LPGAT1: variants seen among roughly 807,000 people sequenced by gnomAD.
LPGAT1 encodes the protein acyl-CoA:lysophosphatidylglycerol acyltransferase 1.
Under a neutral mutation model 47.5 loss-of-function variants are expected in LPGAT1, and 11 were observed. The ratio of observed to expected loss-of-function variants is 0.23; its 90% confidence interval spans 0.15 to 0.38. LPGAT1 has a LOEUF of 0.38. LPGAT1 is among the 10% of genes least tolerant of loss of function. LPGAT1 has a pLI of 1.00. For missense variants in LPGAT1, 293 were observed against 439.0 expected, an observed-to-expected ratio of 0.67 and a Z score of 2.97; for synonymous variants, 138 against 144.2, an observed-to-expected ratio of 0.96 and a Z score of 0.31.
At position 211,787,654 on chromosome 1, in the gene LPGAT1, T is replaced by C; in HGVS notation, c.431A>G (p.His144Arg). The C allele has an allele frequency of 6.2e-7, 1 of 1,603,104 alleles. No individual in the cohort carries two copies. Among genetic ancestry groups the C allele is most frequent in the Non-Finnish European group, 8.5e-7 (1 of 1,171,558 alleles). The change falls in exon 4 of 8, where the codon CAT becomes CGT. Residue 144 changes from histidine (H) to arginine (R), a missense_variant. Transcript: ENST00000366997. The part of the protein sequence containing the change: ...YTNFGIVSLV[H>R]GDFFIRQGRS... ...TACCTGTCTTATAAAGAAGTCTCCA[T>C]GAACTAGAGAAACAATTCCAAAGTT...
At position 211,748,227 on chromosome 1, in the gene LPGAT1, T is replaced by G. The variant is rs144486117; in HGVS notation, c.*1672A>C. 27 of 152,744 alleles carry G rather than the reference T, an allele frequency of 1.8e-4. No homozygotes were observed. The East Asian group carries it at 3.3e-3, about 19-fold the overall frequency. 9.5% of individuals were successfully genotyped at this position (152,744 alleles called of 1,614,324 possible). ...AACTACCACTGACTTACTAGGATCTTAATAGTCTTACAATCCCAAACAAAA... is the reference window on the plus strand; with the variant it reads ...AACTACCACTGACTTACTAGGATCTGAATAGTCTTACAATCCCAAACAAAA... On this transcript the variant is annotated 3_prime_UTR_variant, in exon 8 of 8. Coordinates refer to ENST00000366997, the MANE Select transcript of LPGAT1 (RefSeq NM_014873.3).
chr1:211,818,888 C>T lies in LPGAT1; in HGVS notation c.238+10171G>A, dbSNP rs560796643. On this transcript the variant is annotated intron_variant, in intron 2 of 7. Coordinates refer to ENST00000366997, the MANE Select transcript of LPGAT1 (RefSeq NM_014873.3). ...GGTAAGCAGTCTAAGAATCAAAACA[C>T]GTTGGAAACCACTGGGAGACAAAAG... is the stretch of plus-strand genomic sequence containing the variant. Among the ~76,000 whole-genome samples the T allele has an allele frequency of 2.3e-4, 35 of 152,270 alleles. No individual in the cohort carries two copies. In the South Asian group the frequency reaches 5.8e-3, roughly 25 times the overall value.
Position 211,783,278 on chromosome 1 carries a change from T to C in LPGAT1, c.678A>G (p.Val226=). The part of the protein sequence containing the change: ...GATKIILNAL[V]AQQKNGSPAG... ...CTGGACTTCCATTTTTCTGTTGTGCTACAAGTGCATTCAAAATAATTTTTG... is the reference window on the plus strand; with the variant it reads ...CTGGACTTCCATTTTTCTGTTGTGCCACAAGTGCATTCAAAATAATTTTTG... Residue 226 remains valine, a synonymous_variant, in exon 5 of 8, where the codon GTA becomes GTG. Coordinates refer to ENST00000366997, the MANE Select transcript of LPGAT1 (RefSeq NM_014873.3). 1 of 1,614,194 alleles carries C rather than the reference T, an allele frequency of 6.2e-7. No homozygotes were observed. The highest frequency in any genetic ancestry group is 2.2e-5 in the East Asian group (1 of 44,876).
At chr1:211,788,092 G>A (rs1658959948) in intron 3 of LPGAT1, among the ~76,000 whole-genome samples, 1 of 152,132 alleles carries the variant, frequency 6.6e-6, no homozygotes. Flanking sequence ...AAATGGTTAA[G>A]TTATCAAACA....
rs996029352 is a variant in LPGAT1 at position 211,791,877 on chromosome 1, G to A, written c.357+1195C>T. ...GATGAATTGTATCTTACAGGATGGTGTTTACACTTCCTATAGTCACTGATC... is the reference window on the plus strand; with the variant it reads ...GATGAATTGTATCTTACAGGATGGTATTTACACTTCCTATAGTCACTGATC... On this transcript the variant is annotated intron_variant, in intron 3 of 7. Transcript: ENST00000366997. Among the ~76,000 whole-genome samples the A allele has an allele frequency of 6.0e-5, 9 of 150,340 alleles. 1 individual carries two copies. The highest frequency in any genetic ancestry group is 8.9e-5 in the Non-Finnish European group (6 of 67,418).
At chr1:211,797,827 A>T (rs1659409981) in intron 2 of LPGAT1, among the ~76,000 whole-genome samples, 3 of 152,218 alleles carry the variant, frequency 2.0e-5, no homozygotes, top group African/African-American at 7.2e-5. Flanking sequence ...GAATTGGGTC[A>T]GGTCCACTAT....
chr1:211,810,391 T>C (rs1040631863), intron 2 of LPGAT1, among the ~76,000 whole-genome samples: 3 of 152,176 alleles, frequency 2.0e-5, no homozygotes, highest in Admixed American at 6.5e-5. Context: ...ACATTTTAAA[T>C]AGTATACACA....
chr1:211,772,142 C>T (rs1244837956), intron 6 of LPGAT1, among the ~76,000 whole-genome samples: 1 of 152,138 alleles, frequency 6.6e-6, no homozygotes, highest in Non-Finnish European at 1.5e-5. Flanking sequence ...AAAATTCTAA[C>T]TTTTCCTCCC....
intron 6 of LPGAT1, among the ~76,000 whole-genome samples, chr1:211,756,660 T>A (rs1657468231): frequency 6.6e-6 from 1 of 152,160 alleles, no homozygotes; most frequent in African/African-American, 2.4e-5. Flanking sequence ...ATATTGGAAA[T>A]GCTGATGCCA....
chr1:211,820,611 G>A (rs1167831383), intron 2 of LPGAT1, among the ~76,000 whole-genome samples: 1 of 150,322 alleles, frequency 6.7e-6, no homozygotes, highest in Non-Finnish European at 1.5e-5. Context: ...GAACAAAGAA[G>A]AGACGTTGCA....
intron 3 of LPGAT1, 78 bp downstream of exon 3, chr1:211,792,994 G>A: frequency 1.1e-6 from 1 of 944,002 alleles, no homozygotes; most frequent in African/African-American, 1.7e-5. Flanking sequence ...ACAGACATGA[G>A]CCACCATGCC....
At chr1:211,802,122 A>AAAAAGGT (rs1227243853) in intron 2 of LPGAT1, among the ~76,000 whole-genome samples, 1 of 151,688 alleles carries the variant, frequency 6.6e-6, no homozygotes, top group Admixed American at 6.6e-5. Flanking sequence ...AGAAAGAAAG[A>AAAAAGGT]AAAAGGTATA....
intron 2 of LPGAT1, among the ~76,000 whole-genome samples, chr1:211,815,555 T>G (rs1571762414): frequency 6.6e-6 from 1 of 152,160 alleles, no homozygotes; most frequent in African/African-American, 2.4e-5. Flanking sequence ...AGCTGCAGAG[T>G]AGAATTACAA....
chr1:211,773,184 G>A (rs1658249924), intron 6 of LPGAT1, among the ~76,000 whole-genome samples: 2 of 152,094 alleles, frequency 1.3e-5, no homozygotes, highest in South Asian at 2.1e-4. Flanking sequence ...AATCTCATTA[G>A]CAGTATATAT....
At position 211,774,132 on chromosome 1, in the gene LPGAT1, CT is replaced by C. The variant is rs67342051; in HGVS notation, c.854+4785del. 5.2e-3 allele frequency among the ~76,000 whole-genome samples: 348 copies of C among 66,822 alleles called. 12 individuals are homozygous for C. Among genetic ancestry groups the C allele is most frequent in the African/African-American group, 0.022 (329 of 15,078 alleles). 43.8% of individuals were successfully genotyped at this position (66,822 alleles called of 152,430 possible). A position where few individuals can be genotyped will look rare whatever the true frequency, so the allele number is the denominator to read the frequency against. ...AAAGTGCTTTGTGTTTTTTAAAAGT[CT>C]TTTTTTTTTTTTTTTTTTTGAGACA... On this transcript the variant is annotated intron_variant, in intron 6 of 7. Transcript: ENST00000366997.
intron 6 of LPGAT1, among the ~76,000 whole-genome samples, chr1:211,771,208 G>C (rs1375659373): frequency 1.3e-5 from 2 of 151,854 alleles, no homozygotes; most frequent in Admixed American, 1.3e-4. Context: ...CTTCACTACA[G>C]TGATATGATG....
At chr1:211,826,756 T>G (rs1357424750) in intron 2 of LPGAT1, among the ~76,000 whole-genome samples, 1 of 152,186 alleles carries the variant, frequency 6.6e-6, no homozygotes, top group Non-Finnish European at 1.5e-5. Context: ...TCCTCATAAG[T>G]GGTTTCTCAA....
chr1:211,801,414 T>G (rs1229926208), intron 2 of LPGAT1, among the ~76,000 whole-genome samples: 1 of 152,102 alleles, frequency 6.6e-6, no homozygotes, highest in African/African-American at 2.4e-5. Flanking sequence ...TTATTACCCT[T>G]TGTTAAAATG....
intron 6 of LPGAT1, among the ~76,000 whole-genome samples, chr1:211,770,289 G>A (rs983301071): frequency 6.6e-6 from 1 of 152,108 alleles, no homozygotes; most frequent in East Asian, 1.9e-4. Flanking sequence ...TGGCTGCATC[G>A]ATTTGTGTGT....
Sources: allele counts gnomAD v4.1 joint callset (sites outside exome capture counted in the v4.1 genomes callset), GRCh38; gene constraint gnomAD v4.1.1; transcripts MANE v1.5; gene names NCBI Gene and HGNC (gene_info 2026-07-23, HGNC 2026-07-21).